Variants in PDXDC1 observed in about 807,000 individuals in gnomAD.
PDXDC1 encodes the protein pyridoxal dependent decarboxylase domain containing 1.
In PDXDC1, 42 loss-of-function variants were observed where a neutral mutation model predicts 100.1. That is an observed-to-expected ratio of 0.42 (90% CI 0.33 to 0.54). PDXDC1 has a LOEUF of 0.54. PDXDC1 is among the 20% of genes least tolerant of loss of function. The pLI, the probability that PDXDC1 is intolerant of heterozygous loss-of-function variation, is 0.10. For missense variants in PDXDC1, 636 were observed against 979.2 expected (o/e 0.65, Z 4.68); for synonymous variants, 260 against 371.7 (o/e 0.70, Z 3.46).
downstream of PDXDC1, among the ~76,000 whole-genome samples, chr16:15,142,774 G>T (rs1252173369): frequency 1.4e-5 from 2 of 140,428 alleles, no homozygotes; most frequent in Non-Finnish European, 3.1e-5. Context: ...CTCTGCACCC[G>T]CCAGGTGACA....
At position 15,089,882 on chromosome 16, in the gene PDXDC1, C is replaced by G. The variant is rs570135714; in HGVS notation, c.1400-48997C>G. On this transcript the variant is annotated intron_variant, in intron 16 of 16. Coordinates refer to the PDXDC1 transcript ENST00000535621. ...TTAAGAAGTGGGTGGCCAACAGTGT[C>G]GGCTGATACAAGGAATACAAGGCTT... Among the ~76,000 whole-genome samples the G allele has an allele frequency of 1.1e-4, 17 of 148,768 alleles. 1 individual carries two copies. The South Asian group carries it at 3.6e-3, about 32-fold the overall frequency.
At chr16:15,072,179 C>A (rs1348880912) in intron 16 of PDXDC1, among the ~76,000 whole-genome samples, 7 of 151,562 alleles carry the variant, frequency 4.6e-5, no homozygotes, top group African/African-American at 1.7e-4. Flanking sequence ...CCAACACTCT[C>A]CTGATCTCTA....
intron 16 of PDXDC1, among the ~76,000 whole-genome samples, chr16:15,090,187 G>A (rs1043573429): frequency 4.0e-5 from 6 of 151,730 alleles, no homozygotes; most frequent in South Asian, 2.1e-4. Context: ...TCCAGCCTGC[G>A]TGGTAAGAAG....
intron 16 of PDXDC1, chr16:15,130,553 C>A: frequency 1.5e-6 from 2 of 1,359,342 alleles, no homozygotes; most frequent in Non-Finnish European, 2.1e-6. Flanking sequence ...CGCTGCCTGC[C>A]GTCCCCACAG....
At chr16:15,101,653 G>T (rs1016981783) in intron 16 of PDXDC1, among the ~76,000 whole-genome samples, 1 of 148,846 alleles carries the variant, frequency 6.7e-6, no homozygotes, top group South Asian at 2.2e-4. Context: ...ACTTGAACCT[G>T]GGAGGTGGAG....
At chr16:15,034,620 C>A (rs2043284878) in intron 21 of PDXDC1, 67 bp downstream of exon 21, 1 of 1,088,632 alleles carries the variant, frequency 9.2e-7, no homozygotes, top group East Asian at 2.3e-5. Flanking sequence ...GCCCTTGGGT[C>A]CCAACACTTC....
intron 16 of PDXDC1, among the ~76,000 whole-genome samples, chr16:15,043,985 A>G (rs1338612520): frequency 2.0e-5 from 3 of 152,168 alleles, no homozygotes; most frequent in African/African-American, 7.2e-5. Flanking sequence ...GCTAATAGGG[A>G]AAAAATGGTA....
rs539474895 is a variant in PDXDC1 at position 15,022,795 on chromosome 16, T to C, written c.1140+41T>C. ...TCATCTGTTTTCAAAATATAACTTT[T>C]TTTGAACCTCAGCAACTTTGAATGA... is the stretch of plus-strand genomic sequence containing the variant. On this transcript the variant is annotated intron_variant, in intron 13 of 22. Coordinates refer to ENST00000396410, the MANE Select transcript of PDXDC1 (RefSeq NM_015027.4). The C allele has an allele frequency of 3.9e-4, 585 of 1,496,938 alleles. No homozygotes were observed. In the South Asian group the frequency reaches 6.9e-3, roughly 18 times the overall value. 92.7% of individuals were successfully genotyped at this position (1,496,938 alleles called of 1,614,324 possible).
At chr16:15,124,146 C>G (rs1388208583) in intron 16 of PDXDC1, among the ~76,000 whole-genome samples, 1 of 152,112 alleles carries the variant, frequency 6.6e-6, no homozygotes, top group Non-Finnish European at 1.5e-5. Flanking sequence ...CCCACAATAC[C>G]CAGAGGGCTT....
chr16:15,147,775 G>A, the PDXDC1 span, among the ~76,000 whole-genome samples: 3 of 151,956 alleles, frequency 2.0e-5, no homozygotes, highest in Non-Finnish European at 4.4e-5. Context: ...TGCAACCTCC[G>A]CCTCCCGGGT....
intron 16 of PDXDC1, chr16:15,134,097 G>C (rs2048237843): frequency 1.3e-6 from 2 of 1,547,194 alleles, no homozygotes; most frequent in Non-Finnish European, 1.8e-6. Flanking sequence ...GGGGTGGTGA[G>C]GGGGCGCAAC....
At chr16:14,993,610 C>A (rs1429400955) in intron 1 of PDXDC1, among the ~76,000 whole-genome samples, 1 of 152,292 alleles carries the variant, frequency 6.6e-6, no homozygotes, top group Non-Finnish European at 1.5e-5. Flanking sequence ...CATACGTGTG[C>A]ATGTGTCTTT....
At position 15,063,504 on chromosome 16, in the gene PDXDC1, C is replaced by T. The variant is rs576838988; in HGVS notation, c.1399+33448C>T. Among the ~76,000 whole-genome samples the T allele has an allele frequency of 1.9e-4, 29 of 151,980 alleles. No individual in the cohort carries two copies. The East Asian group carries it at 3.1e-3, about 16-fold the overall frequency. ...TGGGCAGATCATGAGGTCAGGAGAT[C>T]GAGACCATCCTGGCTAACACGGTGA... is the stretch of plus-strand genomic sequence containing the variant. On this transcript the variant is annotated intron_variant, in intron 16 of 16. Transcript: ENST00000535621.
At chr16:15,017,792 C>CTT (rs1245561796) in intron 11 of PDXDC1, among the ~76,000 whole-genome samples, 19 of 146,346 alleles carry the variant, frequency 1.3e-4, no homozygotes, top group East Asian at 2.1e-4. Context: ...TAGGTTTTAA[C>CTT]TTTTTTTTTT....
intron 16 of PDXDC1, among the ~76,000 whole-genome samples, chr16:15,053,027 T>G (rs1597819700): frequency 6.6e-6 from 1 of 152,278 alleles, no homozygotes; most frequent in South Asian, 2.1e-4. Flanking sequence ...ACCGTCTATA[T>G]TCACACTGTC....
intron 16 of PDXDC1, among the ~76,000 whole-genome samples, chr16:15,129,724 C>T (rs1045628291): frequency 2.0e-5 from 3 of 152,070 alleles, no homozygotes; most frequent in African/African-American, 7.2e-5. Context: ...ACAGTGAGTG[C>T]TCACGAGGTC....
chr16:15,006,200 T>C (rs1974214040), intron 5 of PDXDC1, among the ~76,000 whole-genome samples, 194 bp from the exon 6 acceptor site: 1 of 152,298 alleles, frequency 6.6e-6, no homozygotes, highest in South Asian at 2.1e-4. Context: ...AGGGTTATTG[T>C]CTCGCTGCTT....
At chr16:15,009,526 C>T in intron 7 of PDXDC1, 155 bp from the exon 8 acceptor site, 1 of 1,115,734 alleles carries the variant, frequency 9.0e-7, no homozygotes, top group South Asian at 2.0e-5. Flanking sequence ...TTGATTTTCA[C>T]ATCTATGATG....
At chr16:15,048,732 T>TA (rs2151718626) in intron 16 of PDXDC1, among the ~76,000 whole-genome samples, 1 of 152,272 alleles carries the variant, frequency 6.6e-6, no homozygotes, top group South Asian at 2.1e-4. Flanking sequence ...CAAGCGATCC[T>TA]ACCACCTTAG....
Sources: allele counts gnomAD v4.1 joint callset (sites outside exome capture counted in the v4.1 genomes callset), GRCh38; gene constraint gnomAD v4.1.1; transcripts MANE v1.5; gene names NCBI Gene and HGNC (gene_info 2026-07-23, HGNC 2026-07-21).